The following CTNNA2 variants were observed in gnomAD, a reference collection of about 807,000 sequenced individuals.
CTNNA2 encodes catenin alpha 2.
In CTNNA2, 42 loss-of-function variants were observed where a neutral mutation model predicts 101.0. That is an observed-to-expected ratio of 0.42 (90% CI 0.32 to 0.54). CTNNA2 has a LOEUF of 0.54. CTNNA2 is among the 20% of genes least tolerant of loss of function. The probability of loss-of-function intolerance (pLI) is 0.14; values close to 1 mark genes in which losing one functional copy is unlikely to be tolerated. For synonymous variants in CTNNA2, 450 were observed against 456.4 expected, an observed-to-expected ratio of 0.99 and a Z score of 0.18; for missense variants, 871 against 1,223.1, an observed-to-expected ratio of 0.71 and a Z score of 4.29.
chr2:80,061,338 T>C (rs1392360814), intron 7 of CTNNA2, among the ~76,000 whole-genome samples: 1 of 152,172 alleles, frequency 6.6e-6, no homozygotes, highest in Non-Finnish European at 1.5e-5. Context: ...AGGAAAAAAC[T>C]GTATCTTTTC....
chr2:79,192,074 T>C (rs774052017), intron 1 of CTNNA2, among the ~76,000 whole-genome samples: 15 of 151,952 alleles, frequency 9.9e-5, no homozygotes, highest in Non-Finnish European at 1.5e-5. Context: ...GAGTGAGTTA[T>C]TCCTTCTTTT....
At chr2:79,470,773 C>T (rs930519338) in intron 4 of CTNNA2, among the ~76,000 whole-genome samples, 1 of 152,288 alleles carries the variant, frequency 6.6e-6, no homozygotes, top group Non-Finnish European at 1.5e-5. Flanking sequence ...TCTTATTTTA[C>T]TCTCATTGAT....
intron 2 of CTNNA2, among the ~76,000 whole-genome samples, chr2:79,299,357 T>G (rs572759995): frequency 2.4e-3 from 372 of 152,314 alleles, no homozygotes; most frequent in Non-Finnish European, 3.7e-3. Flanking sequence ...GATTGTTTAG[T>G]GCCAGCGTCA....
intron 4 of CTNNA2, among the ~76,000 whole-genome samples, chr2:79,481,062 C>A (rs1438959014): frequency 6.6e-6 from 1 of 151,790 alleles, no homozygotes; most frequent in Admixed American, 6.6e-5. Context: ...AATGAATTCC[C>A]AGAAGTGCAA....
chr2:79,826,661 C>A (rs917572898), intron 3 of CTNNA2, among the ~76,000 whole-genome samples: 1 of 152,164 alleles, frequency 6.6e-6, no homozygotes, highest in African/African-American at 2.4e-5. Context: ...TGGACACATG[C>A]TTCTATGAGA....
chr2:79,936,418 C>G (rs1269194633), intron 7 of CTNNA2, among the ~76,000 whole-genome samples: 1 of 152,040 alleles, frequency 6.6e-6, no homozygotes, highest in Non-Finnish European at 1.5e-5. Flanking sequence ...CCTGAATGTG[C>G]CCTGTGGGAA....
At chr2:79,589,457 CTAT>C in intron 1 of CTNNA2, among the ~76,000 whole-genome samples, 1 of 152,232 alleles carries the variant, frequency 6.6e-6, no homozygotes, top group Admixed American at 6.5e-5. Flanking sequence ...GTTGTCTCCA[CTAT>C]TGTCCTTTTT....
At chr2:79,774,953 G>T (rs538148535) in intron 3 of CTNNA2, among the ~76,000 whole-genome samples, 1 of 152,098 alleles carries the variant, frequency 6.6e-6, no homozygotes, top group Non-Finnish European at 1.5e-5. Context: ...AACATTAGGG[G>T]TCATTTTTAT....
At chr2:80,417,071 T>A (rs1680105819) in intron 8 of CTNNA2, among the ~76,000 whole-genome samples, 1 of 152,114 alleles carries the variant, frequency 6.6e-6, no homozygotes, top group Non-Finnish European at 1.5e-5. Context: ...CCTTGGTTGA[T>A]AATTACGGGT....
At chr2:80,076,985 G>T (rs1055063061) in intron 7 of CTNNA2, among the ~76,000 whole-genome samples, 1 of 152,066 alleles carries the variant, frequency 6.6e-6, no homozygotes, top group African/African-American at 2.4e-5. Context: ...GGTGAAGCTT[G>T]CAGTGAGCCA....
chr2:79,688,761 G>C (rs146041268), intron 2 of CTNNA2, among the ~76,000 whole-genome samples: 2 of 152,180 alleles, frequency 1.3e-5, no homozygotes, highest in East Asian at 3.9e-4. Flanking sequence ...AAGAGCTTCG[G>C]GCAGTTTCAC....
chr2:80,369,793 T>C (rs1483233614), intron 7 of CTNNA2, among the ~76,000 whole-genome samples: 1 of 152,058 alleles, frequency 6.6e-6, no homozygotes, highest in African/African-American at 2.4e-5. Context: ...AGATGCTAAA[T>C]TGCTAGCTTT....
intron 7 of CTNNA2, among the ~76,000 whole-genome samples, chr2:80,129,846 G>A (rs903408985): frequency 1.3e-5 from 2 of 152,110 alleles, no homozygotes; most frequent in Non-Finnish European, 2.9e-5. Context: ...TGCCCATCTA[G>A]TGCAAGTCTG....
intron 7 of CTNNA2, among the ~76,000 whole-genome samples, chr2:80,071,333 C>T (rs534694944): frequency 3.3e-5 from 5 of 152,286 alleles, no homozygotes; most frequent in Admixed American, 2.6e-4. Context: ...CTCCCTATTC[C>T]GTGCCGTCAA....
intron 6 of CTNNA2, among the ~76,000 whole-genome samples, chr2:79,909,097 T>C (rs959772566): frequency 6.6e-6 from 1 of 152,248 alleles, no homozygotes; most frequent in African/African-American, 2.4e-5. Context: ...ATATGCCTGT[T>C]GGGTGTTATG....
chr2:80,500,974 T>A (rs1241211364), intron 9 of CTNNA2, among the ~76,000 whole-genome samples: 1 of 152,224 alleles, frequency 6.6e-6, no homozygotes, highest in African/African-American at 2.4e-5. Context: ...TGAATGTCTA[T>A]ATACTTGGTC....
intron 7 of CTNNA2, among the ~76,000 whole-genome samples, chr2:79,915,379 G>T (rs1338883278): frequency 6.6e-6 from 1 of 151,768 alleles, no homozygotes; most frequent in Non-Finnish European, 1.5e-5. Flanking sequence ...TGTAAATGCT[G>T]TTTTGCAATC....
chr2:79,542,595 T>C (rs988063514), intron 1 of CTNNA2, among the ~76,000 whole-genome samples: 1 of 152,190 alleles, frequency 6.6e-6, no homozygotes, highest in East Asian at 1.9e-4. Flanking sequence ...CTAATTTACT[T>C]ATCTGTAAAA....
At chr2:80,076,769 CACA>C (rs1245960215) in intron 7 of CTNNA2, among the ~76,000 whole-genome samples, 1 of 151,912 alleles carries the variant, frequency 6.6e-6, no homozygotes, top group African/African-American at 2.4e-5. Context: ...TTCTAGAACT[CACA>C]ACAAGAAAAC....
Sources: gnomAD v4.1 joint callset for allele counts (sites outside exome capture counted in the v4.1 genomes callset) on GRCh38, gnomAD v4.1.1 for gene constraint, MANE v1.5 for transcripts, NCBI Gene and HGNC (gene_info 2026-07-23, HGNC 2026-07-21) for gene names.